Variants in PCDHA4 observed in about 807,000 individuals in gnomAD.
PCDHA4 encodes protocadherin alpha-4.
A neutral mutation model predicts 61.4 loss-of-function variants in PCDHA4; 49 were observed. That is an observed-to-expected ratio of 0.80 (90% confidence interval 0.63 to 1.01). The LOEUF is 1.01. Among genes scored for constraint, PCDHA4 ranks in the 50% least tolerant of loss-of-function variants. The probability of loss-of-function intolerance (pLI) is 0.00; values close to 1 mark genes in which losing one functional copy is unlikely to be tolerated. For synonymous variants in PCDHA4, 590 were observed against 550.3 expected (o/e 1.07, Z -1.01); for missense variants, 1,254 against 1,235.8 (o/e 1.01, Z -0.22).
At chr5:140,828,165 A>T (rs2150151660) in intron 1 of PCDHA4, 1 of 1,614,154 alleles carries the variant, frequency 6.2e-7, no homozygotes, top group South Asian at 1.1e-5. Flanking sequence ...GCAGCCTGGA[A>T]GGTGGGGAGC....
Position 140,808,999 on chromosome 5 carries a change from C to A in PCDHA4, c.1812C>A (p.Asn604Lys), listed in dbSNP as rs17844283. The A allele has an allele frequency of 6.2e-7, 1 of 1,613,708 alleles. No individual in the cohort carries two copies. ...VRAVDADSGYNAWLSYELQPG... is the reference protein window; with the variant it reads ...VRAVDADSGYKAWLSYELQPG... ...CGGTGGATGCTGACTCGGGCTACAA[C>A]GCGTGGCTTTCGTACGAGCTGCAGC... Residue 604 changes from asparagine to lysine, a missense_variant, in exon 1 of 4, where the codon AAC becomes AAA. Asn to Lys is a moderately conservative substitution (Grantham distance 94). Coordinates refer to ENST00000530339, the MANE Select transcript of PCDHA4 (RefSeq NM_018907.4).
chr5:140,928,012 A>C, intron 1 of PCDHA4: 2 of 1,614,190 alleles, frequency 1.2e-6, no homozygotes, highest in Non-Finnish European at 1.7e-6. Context: ...TTCTAATGGT[A>C]GGGTCATTTG....
At chr5:140,870,886 G>A (rs17844350) in intron 1 of PCDHA4, 1 of 1,613,944 alleles carries the variant, frequency 6.2e-7, no homozygotes, top group East Asian at 2.2e-5. Flanking sequence ...GAAGGTGCGC[G>A]CAGTGGATGC....
Position 140,849,460 on chromosome 5 carries a change from C to T in PCDHA4, c.2385+39888C>T, listed in dbSNP as rs144662587. The T allele has an allele frequency of 6.9e-6, 11 of 1,588,102 alleles. 3 individuals are homozygous for T. Among genetic ancestry groups the T allele is most frequent in the Non-Finnish European group, 9.5e-6 (11 of 1,161,646 alleles). On this transcript the variant is annotated intron_variant, in intron 1 of 3. Transcript: ENST00000530339. ...AGAGCACACAAGATCCCAGTCGAGG[C>T]TGTCGATAAAGGCTTCCCACCCCTG...
At chr5:140,979,912 G>C (rs1554241237) in intron 2 of PCDHA4, among the ~76,000 whole-genome samples, 2 of 152,248 alleles carry the variant, frequency 1.3e-5, no homozygotes, top group South Asian at 2.1e-4. Flanking sequence ...AGTTCGTAAA[G>C]AGAAAGCCTA....
chr5:140,971,452 T>G (rs1554233345), intron 1 of PCDHA4, among the ~76,000 whole-genome samples: 1 of 152,088 alleles, frequency 6.6e-6, no homozygotes, highest in Admixed American at 6.5e-5. Context: ...CTCCAGAAAT[T>G]TTTGCAGTTA....
chr5:140,809,372 G>A lies in PCDHA4; in HGVS notation c.2185G>A (p.Glu729Lys). 2 of 1,614,010 alleles carry A rather than the reference G, an allele frequency of 1.2e-6. No individual in the cohort carries two copies. Among genetic ancestry groups the A allele is most frequent in the Non-Finnish European group, 1.7e-6 (2 of 1,179,920 alleles). ...TALRCSALPT[E>K]GACAPGKPTL... ...GCTGCGGTGCTCTGCGCTGCCCACC[G>A]AGGGCGCGTGCGCTCCGGGCAAGCC... Residue 729 changes from glutamate to lysine, a missense_variant, in exon 1 of 4, where the codon GAG becomes AAG. By Grantham distance (56) the Glu-to-Lys change is moderately conservative. Transcript: ENST00000530339.
chr5:140,897,629 T>A (rs2066228656), intron 1 of PCDHA4, among the ~76,000 whole-genome samples: 1 of 152,116 alleles, frequency 6.6e-6, no homozygotes, highest in Non-Finnish European at 1.5e-5. Context: ...TACTATTGTG[T>A]ATAGTGCCAC....
At chr5:140,968,321 A>ACCTCCTATGT in intron 1 of PCDHA4, 1 of 1,613,834 alleles carries the variant, frequency 6.2e-7, no homozygotes, top group Non-Finnish European at 8.5e-7. Flanking sequence ...GCTGCCAGTC[A>ACCTCCTATGT]CCTCCTATGT....
chr5:140,908,604 C>T (rs1011069667), intron 1 of PCDHA4, among the ~76,000 whole-genome samples: 10 of 152,114 alleles, frequency 6.6e-5, no homozygotes, highest in African/African-American at 2.2e-4. Flanking sequence ...GATGGAAGGG[C>T]CTTGCTCCAA....
rs2150155775 is a variant in PCDHA4, at chr5:140,828,477, A to T, written c.2385+18905A>T. The T allele has an allele frequency of 1.4e-5, 22 of 1,613,890 alleles. No homozygotes were observed. The South Asian group carries it at 2.4e-4, about 18-fold the overall frequency. ...GTGGAGGTGAGGGACATTAACGACAACCCGCCCTTGTTCCCGGTAGAGGAA... is the reference window on the plus strand; with the variant it reads ...GTGGAGGTGAGGGACATTAACGACATCCCGCCCTTGTTCCCGGTAGAGGAA... On this transcript the variant is annotated intron_variant, in intron 1 of 3. Coordinates refer to ENST00000530339, the MANE Select transcript of PCDHA4 (RefSeq NM_018907.4).
rs2096146085 is a variant in PCDHA4 at position 140,967,476 on chromosome 5, G to T, written c.2386-11473G>T. ...GCCGTGGATGGGGGCATCCCAGCCC[G>T]CTCGGGTACGGCACAGATCTCTGTG... On this transcript the variant is annotated intron_variant, in intron 1 of 3. Transcript: ENST00000530339. The T allele has an allele frequency of 6.2e-7, 1 of 1,613,324 alleles. No individual in the cohort carries two copies. The highest frequency in any genetic ancestry group is 1.3e-5 in the African/African-American group (1 of 75,056).
intron 1 of PCDHA4, chr5:140,850,998 C>T (rs1333674670): frequency 6.9e-7 from 1 of 1,440,098 alleles, no homozygotes; most frequent in Non-Finnish European, 9.2e-7. Context: ...TCTAGAAATC[C>T]AGCAGATTTT....
chr5:140,928,012 A>G (rs2084863036), intron 1 of PCDHA4: 2 of 1,614,190 alleles, frequency 1.2e-6, no homozygotes, highest in African/African-American at 2.7e-5. Context: ...TTCTAATGGT[A>G]GGGTCATTTG....
At chr5:140,824,440 T>A in intron 1 of PCDHA4, 1 of 476,522 alleles carries the variant, frequency 2.1e-6, no homozygotes, top group East Asian at 3.6e-5. Context: ...AGTTTCAGTT[T>A]ATGACTACAT....
chr5:140,823,533 G>A (rs1472583465), intron 1 of PCDHA4: 10 of 1,613,648 alleles, frequency 6.2e-6, no homozygotes, highest in Middle Eastern at 1.7e-4. Flanking sequence ...CAGTGGGTGC[G>A]GGCCACGTGG....
intron 3 of PCDHA4, among the ~76,000 whole-genome samples, chr5:140,987,224 A>C (rs28567024): frequency 6.6e-6 from 1 of 151,930 alleles, no homozygotes; most frequent in South Asian, 2.1e-4. Context: ...AAAAAAAAAA[A>C]AAATAATAAA....
At chr5:140,830,066 C>G (rs1770795719) in intron 1 of PCDHA4, 1 of 1,613,706 alleles carries the variant, frequency 6.2e-7, no homozygotes, top group Non-Finnish European at 8.5e-7. Flanking sequence ...TGAGCCGGCG[C>G]TGACAGCGAC....
chr5:140,919,795 A>G (rs1554199259), intron 1 of PCDHA4, among the ~76,000 whole-genome samples: 1 of 152,070 alleles, frequency 6.6e-6, no homozygotes, highest in East Asian at 1.9e-4. Context: ...CTTGTGGTGG[A>G]TTGAATTGTG....
Sources: gnomAD v4.1 joint callset for allele counts (sites outside exome capture counted in the v4.1 genomes callset) on GRCh38, gnomAD v4.1.1 for gene constraint, MANE v1.5 for transcripts, NCBI Gene and HGNC (gene_info 2026-07-23, HGNC 2026-07-21) for gene names.